PDSS2: variants seen among roughly 807,000 people sequenced by gnomAD.
The protein encoded by PDSS2 is all trans-polyprenyl-diphosphate synthase PDSS2.
A neutral mutation model predicts 44.5 loss-of-function variants in PDSS2; 31 were observed. The ratio of observed to expected loss-of-function variants is 0.70; its 90% confidence interval spans 0.52 to 0.94. The LOEUF is 0.94. Among genes scored for constraint, PDSS2 ranks in the 40% least tolerant of loss-of-function variants. The pLI is 0.00. For synonymous variants in PDSS2, 157 were observed against 180.3 expected (o/e 0.87, Z 1.03); for missense variants, 452 against 482.2 (o/e 0.94, Z 0.59).
intron 2 of PDSS2, among the ~76,000 whole-genome samples, chr6:107,300,030 A>ATTTAATACCACCC (rs200562831): frequency 0.011 from 1,601 of 152,204 alleles, 22 homozygotes; most frequent in African/African-American, 0.037. Flanking sequence ...TGGTAAGCCT[A>ATTTAATACCACCC]TTTAATACCA....
intron 2 of PDSS2, among the ~76,000 whole-genome samples, chr6:107,284,939 T>C (rs1776091820): frequency 6.6e-6 from 1 of 152,078 alleles, no homozygotes; most frequent in Admixed American, 6.6e-5. Flanking sequence ...TCACAACAGC[T>C]CTCTGAGGTA....
chr6:107,319,740 C>T (rs749695833), intron 2 of PDSS2, among the ~76,000 whole-genome samples: 2 of 152,110 alleles, frequency 1.3e-5, no homozygotes, highest in Non-Finnish European at 2.9e-5. Context: ...GCCTATAAAC[C>T]GTTGCAGACG....
chr6:107,305,383 C>T (rs1462924049), intron 2 of PDSS2, among the ~76,000 whole-genome samples: 2 of 152,054 alleles, frequency 1.3e-5, no homozygotes, highest in African/African-American at 4.8e-5. Flanking sequence ...GAACCTTTCT[C>T]TGGGAAGAAC....
At chr6:107,174,760 A>G (rs997235842) in intron 7 of PDSS2, among the ~76,000 whole-genome samples, 1 of 152,234 alleles carries the variant, frequency 6.6e-6, no homozygotes, top group Non-Finnish European at 1.5e-5. Flanking sequence ...AAAGAGACAA[A>G]GAGAATTTTA....
intron 2 of PDSS2, among the ~76,000 whole-genome samples, chr6:107,306,593 A>ACTT (rs1385411595): frequency 2.0e-5 from 3 of 152,236 alleles, no homozygotes; most frequent in Non-Finnish European, 4.4e-5. Context: ...AGTACTGAAT[A>ACTT]ATCAGATCCT....
intron 1 of PDSS2, among the ~76,000 whole-genome samples, chr6:107,458,583 T>G (rs1309436166): frequency 6.6e-6 from 1 of 151,486 alleles, no homozygotes; most frequent in East Asian, 1.9e-4. Flanking sequence ...CCTCTCTCTC[T>G]CTCCTTGCCT....
At chr6:107,182,427 C>T (rs371962906) in intron 7 of PDSS2, among the ~76,000 whole-genome samples, 14 of 152,218 alleles carry the variant, frequency 9.2e-5, no homozygotes, top group African/African-American at 2.4e-4. Flanking sequence ...TGGGTTCAGG[C>T]GATTCTCTTG....
chr6:107,250,180 A>ACCC (rs56145618), intron 3 of PDSS2, among the ~76,000 whole-genome samples: 79 of 142,834 alleles, frequency 5.5e-4, no homozygotes, highest in African/African-American at 1.9e-3. Context: ...AAAAATACTG[A>ACCC]CCCCCCCCCG....
At chr6:107,397,774 T>A (rs567622084) in intron 1 of PDSS2, among the ~76,000 whole-genome samples, 1 of 152,344 alleles carries the variant, frequency 6.6e-6, no homozygotes, top group South Asian at 2.1e-4. Flanking sequence ...AAATTAGAAT[T>A]GTGGAAAACT....
chr6:107,267,678 T>A (rs1024164517), intron 3 of PDSS2, among the ~76,000 whole-genome samples: 2 of 150,734 alleles, frequency 1.3e-5, no homozygotes, highest in Non-Finnish European at 2.9e-5. Context: ...CTCCAACTCC[T>A]AAGCTCAAGA....
intron 1 of PDSS2, among the ~76,000 whole-genome samples, chr6:107,367,408 G>T (rs1009890065): frequency 1.3e-5 from 2 of 152,114 alleles, no homozygotes; most frequent in African/African-American, 4.8e-5. Context: ...AAGACTGAAT[G>T]AATGCCTCCC....
intron 1 of PDSS2, among the ~76,000 whole-genome samples, chr6:107,382,193 C>T (rs1258425669): frequency 6.6e-6 from 1 of 152,214 alleles, no homozygotes; most frequent in African/African-American, 2.4e-5. Flanking sequence ...ATATCCCCTA[C>T]ACCTTTTATA....
intron 1 of PDSS2, among the ~76,000 whole-genome samples, chr6:107,422,674 C>CTGTT (rs1162277149): frequency 3.3e-5 from 5 of 151,832 alleles, no homozygotes; most frequent in Middle Eastern, 3.2e-3. Flanking sequence ...TCTCTATATA[C>CTGTT]TGTTGAGAGA....
intron 3 of PDSS2, among the ~76,000 whole-genome samples, chr6:107,250,189 C>G (rs994127610): frequency 2.0e-5 from 3 of 150,744 alleles, no homozygotes; most frequent in Admixed American, 6.6e-5. Context: ...GACCCCCCCC[C>G]GCAAAAAAAT....
chr6:107,225,631 T>C (rs1249951353), intron 4 of PDSS2, among the ~76,000 whole-genome samples: 2 of 152,134 alleles, frequency 1.3e-5, no homozygotes. Flanking sequence ...AGTTCGTGAT[T>C]AGAATTATTG....
At chr6:107,256,687 T>C (rs1305519242) in intron 3 of PDSS2, among the ~76,000 whole-genome samples, 1 of 152,188 alleles carries the variant, frequency 6.6e-6, no homozygotes, top group Non-Finnish European at 1.5e-5. Context: ...TAGTACTGTG[T>C]TCTAAAAAAT....
In PDSS2 at chr6:107,358,422, C is replaced by T. The variant is rs577595367; in HGVS notation, c.297-24090G>A. On this transcript the variant is annotated intron_variant, in intron 1 of 7. Transcript: ENST00000369037. ...TGATGTTATTTCAAACTGCTATATT[C>T]ATCTATGTCTAGTTAAAAACAATTT... 7.2e-5 allele frequency among the ~76,000 whole-genome samples: 11 copies of T among 152,270 alleles called. No homozygotes were observed. In the East Asian group the frequency reaches 1.7e-3, roughly 24 times the overall value.
chr6:107,311,493 C>T (rs1186722884), intron 2 of PDSS2, among the ~76,000 whole-genome samples: 1 of 152,112 alleles, frequency 6.6e-6, no homozygotes, highest in African/African-American at 2.4e-5. Context: ...TAGGCATGAG[C>T]CATGACACCC....
At chr6:107,320,040 C>T (rs1003486264) in intron 2 of PDSS2, among the ~76,000 whole-genome samples, 1 of 152,210 alleles carries the variant, frequency 6.6e-6, no homozygotes, top group African/African-American at 2.4e-5. Context: ...AGTAATTTAA[C>T]AGCCATATTT....
Sources: allele counts gnomAD v4.1 joint callset (sites outside exome capture counted in the v4.1 genomes callset), GRCh38; gene constraint gnomAD v4.1.1; transcripts MANE v1.5; gene names NCBI Gene and HGNC (gene_info 2026-07-23, HGNC 2026-07-21).